Variants in SPPL2B observed in about 807,000 individuals in gnomAD.
The protein encoded by SPPL2B is signal peptide peptidase-like 2B.
A neutral mutation model predicts 59.7 loss-of-function variants in SPPL2B; 39 were observed. The ratio of observed to expected loss-of-function variants is 0.65; its 90% confidence interval spans 0.51 to 0.85. The LOEUF is 0.85. SPPL2B is among the 40% of genes least tolerant of loss of function. The pLI is 0.00. For synonymous variants in SPPL2B, 419 were observed against 370.8 expected, an observed-to-expected ratio of 1.13 and a Z score of -1.49; for missense variants, 865 against 849.0, an observed-to-expected ratio of 1.02 and a Z score of -0.23.
At chr19:2,336,297 C>T in intron 2 of SPPL2B, among the ~76,000 whole-genome samples, 1 of 129,290 alleles carries the variant, frequency 7.7e-6, no homozygotes, top group Non-Finnish European at 1.7e-5. Context: ...TGTATGTGTG[C>T]AGGTGTGTGT....
intron 2 of SPPL2B, among the ~76,000 whole-genome samples, chr19:2,336,901 GT>G (rs1968671545): frequency 1.6e-5 from 2 of 127,102 alleles, no homozygotes; most frequent in Admixed American, 7.7e-5. Context: ...GGCTGTGGGT[GT>G]GTGTGTGTGT....
At position 2,353,016 on chromosome 19, in the gene SPPL2B, C is replaced by A; in HGVS notation, c.1586C>A (p.Thr529Lys). ...DGPQPPKDSA[T>K]PLSPQPPSEE... is the part of the protein sequence containing the mutation. Reference sequence around the variant, plus strand: ...CCGCAGCCTCCCAAAGACTCTGCCACGCCACTCTCCCCGCAGCCGCCCAGC... The same window carrying A: ...CCGCAGCCTCCCAAAGACTCTGCCAAGCCACTCTCCCCGCAGCCGCCCAGC... Residue 529 changes from threonine (T) to lysine (K), a missense_variant, in exon 15 of 15, where the codon ACG (threonine) becomes AAG (lysine). Coordinates refer to ENST00000613503, the MANE Select transcript of SPPL2B (RefSeq NM_152988.3). 6.2e-7 allele frequency: 1 copy of A among 1,612,178 alleles called. No homozygotes were observed. The highest frequency in any genetic ancestry group is 8.5e-7 in the Non-Finnish European group (1 of 1,179,716).
rs1229899169 is a variant in SPPL2B at position 2,344,438 on chromosome 19, C to T, written c.1176+14C>T. The stretch of plus-strand genomic sequence containing the variant: ...ACCCGTGAGAAGGTGTGTCTTCTGA[C>T]TGCAGGGTCTCAGGTTGCCATGGGT... On this transcript the variant is annotated intron_variant, in intron 11 of 14. Coordinates refer to ENST00000613503, the MANE Select transcript of SPPL2B (RefSeq NM_152988.3). 1.3e-6 allele frequency: 2 copies of T among 1,570,532 alleles called. No individual in the cohort carries two copies. The highest frequency in any genetic ancestry group is 1.9e-5 in the Admixed American group (1 of 53,422).
At chr19:2,351,839 G>A (rs928584572) in intron 14 of SPPL2B, among the ~76,000 whole-genome samples, 3 of 151,844 alleles carry the variant, frequency 2.0e-5, no homozygotes, top group African/African-American at 7.3e-5. Context: ...GGGACGCGGG[G>A]GTGCCGGGTG....
In SPPL2B at chr19:2,353,192, C is replaced by G. The variant is rs569975015; in HGVS notation, c.1762C>G (p.Pro588Ala). The G allele has an allele frequency of 6.2e-7, 1 of 1,603,318 alleles. No individual in the cohort carries two copies. The highest frequency in any genetic ancestry group is 8.5e-7 in the Non-Finnish European group (1 of 1,178,698). Reference protein sequence around the residue: ...DQAQPSPVTQPGASA With the variant: ...DQAQPSPVTQAGASA ...GGCCCAGCCGTCCCCGGTAACCCAG[C>G]CTGGCGCCTCGGCCTAGGGGAGGGG... Residue 588 changes from proline (P) to alanine (A), a missense_variant, in exon 15 of 15, where the codon CCT (proline) becomes GCT (alanine). Pro to Ala is a conservative substitution (Grantham distance 27). Coordinates refer to ENST00000613503, the MANE Select transcript of SPPL2B (RefSeq NM_152988.3).
intron 9 of SPPL2B, 119 bp from the exon 10 acceptor site, chr19:2,343,846 A>C (rs8106153): frequency 2.8e-6 from 2 of 713,526 alleles, no homozygotes; most frequent in Non-Finnish European, 4.8e-6. Context: ...GGCACTGGGC[A>C]CGCTCTGCTC....
At chr19:2,328,867 C>T in intron 1 of SPPL2B, 92 bp downstream of exon 1, 1 of 1,152,354 alleles carries the variant, frequency 8.7e-7, no homozygotes, top group Non-Finnish European at 1.1e-6. Flanking sequence ...CCCGCTCGGC[C>T]CGTCTTGGGG....
rs771300915 is a variant in SPPL2B, at chr19:2,340,093, A to G, written c.760A>G (p.Ile254Val). 94 of 1,594,754 alleles carry G rather than the reference A, an allele frequency of 5.9e-5. No individual in the cohort carries two copies. Among genetic ancestry groups the G allele is most frequent in the Non-Finnish European group, 7.8e-5 (92 of 1,175,730 alleles). ...CCCTGCAGTGTACGTGGTCATCGGG[A>G]TCTTCTGCCTGGCCTCCGCCACCGG... ...YDLLVYVVIG[I>V]FCLASATGLY... Residue 254 changes from isoleucine to valine, a missense_variant, in exon 7 of 15, where the codon ATC (isoleucine) becomes GTC (valine). By Grantham distance (29) the Ile-to-Val change is conservative (BLOSUM62 3). Transcript: ENST00000613503.
chr19:2,330,242 G>A (rs564932899), intron 1 of SPPL2B: 2 of 151,048 alleles, frequency 1.3e-5, no homozygotes, highest in Non-Finnish European at 2.9e-5. Flanking sequence ...CGAATAGCTG[G>A]GATTACAGGT....
chr19:2,351,733 G>A (rs2145211475), intron 14 of SPPL2B, 139 bp downstream of exon 14: 1 of 1,210,596 alleles, frequency 8.3e-7, no homozygotes, highest in Non-Finnish European at 1.1e-6. Flanking sequence ...TCTGCTTTGG[G>A]TGTCATGCGC....
intron 2 of SPPL2B, among the ~76,000 whole-genome samples, chr19:2,334,944 C>T (rs537712131): frequency 6.6e-5 from 10 of 152,184 alleles, no homozygotes; most frequent in South Asian, 2.1e-4. Context: ...CCAGAGGCAC[C>T]GGCCGAGCTC....
In SPPL2B at chr19:2,339,906, G is replaced by T; in HGVS notation, c.682G>T (p.Val228Leu). The change falls in exon 6 of 15, where the codon GTG becomes TTG. Residue 228 changes from valine to leucine, a missense_variant. Physicochemically the swap from Val to Leu is conservative, Grantham distance 32 (BLOSUM62 1). Transcript: ENST00000613503. ...AVDVTPVMTC[V>L]FVVMCCSMLV... ...GGACGTGACGCCGGTGATGACCTGC[G>T]TGTTTGTGGTGATGTGCTGCTCCAT... The T allele has an allele frequency of 6.3e-7, 1 of 1,577,422 alleles. No homozygotes were observed. The highest frequency in any genetic ancestry group is 8.6e-7 in the Non-Finnish European group (1 of 1,161,506).
intron 1 of SPPL2B, among the ~76,000 whole-genome samples, chr19:2,329,037 C>T (rs1162889564): frequency 1.3e-5 from 2 of 152,248 alleles, no homozygotes; most frequent in East Asian, 3.8e-4. Context: ...GAAATTTGTG[C>T]CCCCTCCATC....
At chr19:2,329,047 C>T (rs2145131182) in intron 1 of SPPL2B, among the ~76,000 whole-genome samples, 1 of 152,374 alleles carries the variant, frequency 6.6e-6, no homozygotes. Context: ...CCCCCTCCAT[C>T]CTCCGGTTCT....
rs1260157177 is a variant in SPPL2B at position 2,353,097 on chromosome 19, C to G, written c.1667C>G (p.Ser556Cys). ...GAGCAGTCCCCAAAATCACGCACGT[C>G]CGAGGAGATGGGGGCTGGAGCCCCC... is the stretch of plus-strand genomic sequence containing the variant. ...PAEQSPKSRT[S>C]EEMGAGAPMR... Residue 556 changes from serine to cysteine, a missense_variant, in exon 15 of 15, where the codon TCC becomes TGC. Physicochemically the swap from Ser to Cys is moderately radical, Grantham distance 112. Transcript: ENST00000613503. The G allele has an allele frequency of 5.0e-6, 8 of 1,611,452 alleles. No individual in the cohort carries two copies. The highest frequency in any genetic ancestry group is 6.8e-6 in the Non-Finnish European group (8 of 1,179,416).
At chr19:2,336,031 A>G (rs1968584743) in intron 2 of SPPL2B, among the ~76,000 whole-genome samples, 1 of 152,146 alleles carries the variant, frequency 6.6e-6, no homozygotes, top group Non-Finnish European at 1.5e-5. Flanking sequence ...TGTAATAGGT[A>G]TGTGTGAAGA....
chr19:2,335,246 C>A (rs1334751028), intron 2 of SPPL2B, among the ~76,000 whole-genome samples: 2 of 143,198 alleles, frequency 1.4e-5, no homozygotes, highest in African/African-American at 5.2e-5. Flanking sequence ...CGCCTCCTTT[C>A]CCACTGCATC....
At position 2,332,490 on chromosome 19, in the gene SPPL2B, G is replaced by A. The variant is rs1210262773; in HGVS notation, c.67-2112G>A. 6.6e-6 allele frequency among the ~76,000 whole-genome samples: 1 copy of A among 152,222 alleles called. No individual in the cohort carries two copies. Among genetic ancestry groups the A allele is most frequent in the East Asian group, 1.9e-4 (1 of 5,194 alleles). Reference sequence around the variant, plus strand: ...GTGGTGTCGGCCCGTTTGGTGCGCAGCTCAGCATCCGTTCAGACATGTGGC... The same window carrying A: ...GTGGTGTCGGCCCGTTTGGTGCGCAACTCAGCATCCGTTCAGACATGTGGC... On this transcript the variant is annotated intron_variant, in intron 1 of 14. Transcript: ENST00000613503. This position sits in a 1 kb window ranked among gnomAD's most constrained non-coding sequence, Gnocchi z 4.6.
In SPPL2B at chr19:2,332,722, T is replaced by TG. The variant is rs1568427105; in HGVS notation, c.67-1878dup. Among the ~76,000 whole-genome samples the TG allele has an allele frequency of 6.6e-6, 1 of 152,104 alleles. No homozygotes were observed. The highest frequency in any genetic ancestry group is 1.5e-5 in the Non-Finnish European group (1 of 68,014). ...GTGGGTCTCCTTGGTCCCTGGCACGTGGTTTTTCTTCTGGGACCCCTCCTC... is the reference window on the plus strand; with the variant it reads ...GTGGGTCTCCTTGGTCCCTGGCACGTGGGTTTTTCTTCTGGGACCCCTCCTC... On this transcript the variant is annotated intron_variant, in intron 1 of 14. Transcript: ENST00000613503. The surrounding 1 kb of genome is among the most constrained non-coding windows in gnomAD (Gnocchi z 4.6).
Sources: gnomAD v4.1 joint callset for allele counts (sites outside exome capture counted in the v4.1 genomes callset) on GRCh38, gnomAD v4.1.1 for gene constraint, Gnocchi (gnomAD v3.1) non-coding constraint, MANE v1.5 for transcripts, NCBI Gene and HGNC (gene_info 2026-07-23, HGNC 2026-07-21) for gene names.